The following NKIRAS2 variants were observed in gnomAD, a reference collection of about 807,000 sequenced individuals.
The protein encoded by NKIRAS2 is NF-kappa-B inhibitor-interacting Ras-like protein 2.
Under a neutral mutation model 20.7 loss-of-function variants are expected in NKIRAS2, and 15 were observed. That is an observed-to-expected ratio of 0.73 (90% CI 0.49 to 1.12). NKIRAS2 has a LOEUF of 1.12. Ranked by LOEUF, NKIRAS2 falls within the 50% of genes most tolerant of loss-of-function variation. The pLI, the probability that NKIRAS2 is intolerant of heterozygous loss-of-function variation, is 0.00. For missense variants in NKIRAS2, 196 were observed against 249.6 expected, an observed-to-expected ratio of 0.79 and a Z score of 1.45; for synonymous variants, 116 against 101.4, an observed-to-expected ratio of 1.14 and a Z score of -0.87.
chr17:42,021,191 G>T, intron 1 of NKIRAS2: 1 of 216,424 alleles, frequency 4.6e-6, no homozygotes, highest in Non-Finnish European at 9.5e-6. Flanking sequence ...TACATCTTGC[G>T]CACAGAAGGG....
intron 2 of NKIRAS2, chr17:42,021,981 G>A (rs954636054): frequency 1.2e-5 from 7 of 585,234 alleles, no homozygotes; most frequent in Admixed American, 5.7e-5. Flanking sequence ...AGGCTGAGGC[G>A]GGTGGATCAC....
intron 2 of NKIRAS2, chr17:42,021,932 G>A (rs1002377496): frequency 1.9e-5 from 12 of 648,596 alleles, no homozygotes; most frequent in Admixed American, 5.4e-5. Context: ...TCCATTGGCC[G>A]GGTGCGGTGG....
chr17:42,021,778 C>T (rs562802154), intron 2 of NKIRAS2, 107 bp downstream of exon 2: 3 of 1,033,422 alleles, frequency 2.9e-6, no homozygotes, highest in East Asian at 2.4e-5. Context: ...GGTTTTCCCC[C>T]CTGGAAGAAT....
chr17:42,024,070 T>G lies in NKIRAS2; in HGVS notation c.*177T>G. On this transcript the variant is annotated 3_prime_UTR_variant, in exon 4 of 4. Transcript: ENST00000393885. Reference sequence around the variant, plus strand: ...CACCTCTGGGAAGTGCAAATACTCTTGGTTGACATCCCCTTCCTCAGCCCT... The same window carrying G: ...CACCTCTGGGAAGTGCAAATACTCTGGGTTGACATCCCCTTCCTCAGCCCT... The G allele has an allele frequency of 1.1e-6, 1 of 948,398 alleles. No homozygotes were observed. The highest frequency in any genetic ancestry group is 1.5e-6 in the Non-Finnish European group (1 of 657,200). 58.7% of individuals were successfully genotyped at this position (948,398 alleles called of 1,614,324 possible).
chr17:42,021,530 C>T (rs1555652963), intron 1 of NKIRAS2, 34 bp from the exon 2 acceptor site: 3 of 1,570,288 alleles, frequency 1.9e-6, no homozygotes, highest in Admixed American at 3.3e-5. Context: ...TGCTTTCTTT[C>T]CTCACCTTAC....
chr17:42,020,701 G>A (rs1259970321), intron 1 of NKIRAS2: 1 of 152,142 alleles, frequency 6.6e-6, no homozygotes, highest in Non-Finnish European at 1.5e-5. Context: ...GAGTTTAGAG[G>A]GAATTGATTG....
upstream of NKIRAS2, chr17:42,018,646 C>G (rs1198244694): frequency 6.6e-6 from 1 of 152,214 alleles, no homozygotes; most frequent in African/African-American, 2.4e-5. Flanking sequence ...GACTTACAGA[C>G]CACCTGCCCT....
chr17:42,023,300 C>T (rs1433035567), intron 3 of NKIRAS2, among the ~76,000 whole-genome samples: 3 of 152,172 alleles, frequency 2.0e-5, no homozygotes, highest in Middle Eastern at 3.2e-3. Context: ...CATCTGGCCA[C>T]GAAGGCCCTT....
rs1357367708 is a variant in NKIRAS2, at chr17:42,020,127, G to A, written c.-92G>A. 3.9e-5 allele frequency: 6 copies of A among 152,560 alleles called. No homozygotes were observed. Among genetic ancestry groups the A allele is most frequent in the African/African-American group, 1.2e-4 (5 of 41,602 alleles). The allele number at this position is 152,560 out of a possible 1,614,324, so 9.5% of individuals were successfully genotyped here. On this transcript the variant is annotated 5_prime_UTR_variant, in exon 1 of 4. Coordinates refer to ENST00000393885, the MANE Select transcript of NKIRAS2 (RefSeq NM_017595.6). ...ACACCGACTCTGGAGGAAGACTGGA[G>A]CCTTTGCGGCGGCGCTGCCCCTCCC...
At chr17:42,019,996 C>T (rs536866547), upstream of NKIRAS2, 1 of 152,440 alleles carries the variant, frequency 6.6e-6, no homozygotes, top group East Asian at 1.9e-4. Flanking sequence ...CCGCCGGCCT[C>T]TGGGGGAGCT....
At chr17:42,019,306 G>GA (rs555372667), upstream of NKIRAS2, among the ~76,000 whole-genome samples, 96 of 150,926 alleles carry the variant, frequency 6.4e-4, no homozygotes, top group African/African-American at 1.9e-3. Context: ...CAAAACAACA[G>GA]AAAAAAAAAC....
At chr17:42,017,623 G>A (rs2052342960), upstream of NKIRAS2, 4 of 625,416 alleles carry the variant, frequency 6.4e-6, no homozygotes, top group Non-Finnish European at 1.1e-5. Context: ...CAGGGGCTGT[G>A]CCGGTGCGTA....
Position 42,024,101 on chromosome 17 carries a change from C to A in NKIRAS2, c.*208C>A. 1 of 687,510 alleles carries A rather than the reference C, an allele frequency of 1.5e-6. No homozygotes were observed. The highest frequency in any genetic ancestry group is 2.3e-6 in the Non-Finnish European group (1 of 428,724). 42.6% of individuals were successfully genotyped at this position (687,510 alleles called of 1,614,324 possible). A position where few individuals can be genotyped will look rare whatever the true frequency, so the allele number is the denominator to read the frequency against. ...ACATCCCCTTCCTCAGCCCTCCCAG[C>A]CTACTCCCCATCCCAGCTTTTAGAG... is the stretch of plus-strand genomic sequence containing the variant. On this transcript the variant is annotated 3_prime_UTR_variant, in exon 4 of 4. Coordinates refer to ENST00000393885, the MANE Select transcript of NKIRAS2 (RefSeq NM_017595.6).
intron 3 of NKIRAS2, 142 bp downstream of exon 3, chr17:42,022,782 T>C (rs533100228): frequency 2.3e-5 from 23 of 992,446 alleles, no homozygotes; most frequent in African/African-American, 4.9e-5. Flanking sequence ...ACTGAGGGTA[T>C]CTTTACCCTC....
Position 42,023,818 on chromosome 17 carries a change from G to A in NKIRAS2, c.501G>A (p.Lys167=). ...AGCCCTTTGTCTACTTGGCCAGCAA[G>A]ATGACGCAACCCCAGAGCAAGTCTG... ...LLEPFVYLAS[K]MTQPQSKSAF... Residue 167 remains lysine, a synonymous_variant, in exon 4 of 4, where the codon AAG becomes AAA. Coordinates refer to ENST00000393885, the MANE Select transcript of NKIRAS2 (RefSeq NM_017595.6). 2 of 1,614,182 alleles carry A rather than the reference G, an allele frequency of 1.2e-6. No individual in the cohort carries two copies. The highest frequency in any genetic ancestry group is 1.1e-5 in the South Asian group (1 of 91,080).
chr17:42,024,774 G>GGA lies in NKIRAS2; in HGVS notation c.*881_*882insGA. 1 of 50,314 alleles carries GGA rather than the reference G, an allele frequency of 2.0e-5. No individual in the cohort carries two copies. The highest frequency in any genetic ancestry group is 8.2e-4 in the South Asian group (1 of 1,224). 3.1% of individuals were successfully genotyped at this position (50,314 alleles called of 1,614,324 possible). A position where few individuals can be genotyped will look rare whatever the true frequency, so the allele number is the denominator to read the frequency against. Reference sequence around the variant, plus strand: ...GGTCAACAGAGCAAGACTCCATCTCGAAGAAAAAAAAAAAAAATTCCCCAC... The same window carrying GGA: ...GGTCAACAGAGCAAGACTCCATCTCGGAAAGAAAAAAAAAAAAAATTCCCCAC... On this transcript the variant is annotated 3_prime_UTR_variant, in exon 4 of 4. Coordinates refer to ENST00000393885, the MANE Select transcript of NKIRAS2 (RefSeq NM_017595.6).
chr17:42,024,304 C>T lies in NKIRAS2; in HGVS notation c.*411C>T. 4.1e-6 allele frequency: 1 copy of T among 243,728 alleles called. No homozygotes were observed. The highest frequency in any genetic ancestry group is 8.2e-6 in the Non-Finnish European group (1 of 122,042). The allele number at this position is 243,728 out of a possible 1,614,324, so 15.1% of individuals were successfully genotyped here. Reference sequence around the variant, plus strand: ...ACACACACACACTTATGGCACCAGCCTGGACTCCAGAAAAAGGGTGTCCAG... The same window carrying T: ...ACACACACACACTTATGGCACCAGCTTGGACTCCAGAAAAAGGGTGTCCAG... On this transcript the variant is annotated 3_prime_UTR_variant, in exon 4 of 4. Transcript: ENST00000393885.
At position 42,024,218 on chromosome 17, in the gene NKIRAS2, C is replaced by T; in HGVS notation, c.*325C>T. 2.9e-6 allele frequency: 1 copy of T among 345,548 alleles called. No individual in the cohort carries two copies. Among genetic ancestry groups the T allele is most frequent in the Non-Finnish European group, 5.5e-6 (1 of 182,558 alleles). 21.4% of individuals were successfully genotyped at this position (345,548 alleles called of 1,614,324 possible). On this transcript the variant is annotated 3_prime_UTR_variant, in exon 4 of 4. Coordinates refer to ENST00000393885, the MANE Select transcript of NKIRAS2 (RefSeq NM_017595.6). ...GCAGAGTCACCACGCAGCAGTGTCC[C>T]TTCTTGGGTCTGAGTTCCTATTATA...
intron 3 of NKIRAS2, 24 bp from the exon 4 acceptor site, chr17:42,023,630 C>G: frequency 1.9e-6 from 3 of 1,609,890 alleles, no homozygotes; most frequent in Non-Finnish European, 2.5e-6. Flanking sequence ...ATTCACAGGC[C>G]TATGCTCTGT....
Sources: allele counts gnomAD v4.1 joint callset (sites outside exome capture counted in the v4.1 genomes callset), GRCh38; gene constraint gnomAD v4.1.1; transcripts MANE v1.5; gene names NCBI Gene and HGNC (gene_info 2026-07-23, HGNC 2026-07-21).